Variants in PRKN observed in about 807,000 individuals in gnomAD.
The protein encoded by PRKN is parkin RBR E3 ubiquitin protein ligase, also known as E3 ubiquitin-protein ligase parkin.
PRKN carries 56 observed loss-of-function variants against 59.5 expected under a neutral mutation model. That is an observed-to-expected ratio of 0.94 (90% CI 0.76 to 1.18). The LOEUF is 1.18. Ranked by LOEUF, PRKN falls within the 50% of genes most tolerant of loss-of-function variation. The pLI, the probability that PRKN is intolerant of heterozygous loss-of-function variation, is 0.00. For synonymous variants in PRKN, 250 were observed against 222.1 expected (o/e 1.13, Z -1.12); for missense variants, 657 against 596.4 (o/e 1.10, Z -1.06).
chr6:162,544,754 G>A lies in PRKN; in HGVS notation c.8-101281C>T, dbSNP rs1341431326. On this transcript the variant is annotated intron_variant, in intron 1 of 11. Coordinates refer to ENST00000366898, the MANE Select transcript of PRKN (RefSeq NM_004562.3). ...GAGCAGTGGCGCGATGTCGACTCAC[G>A]GCAACCTCCGCCTCCCGGGTTGAAG... Among the ~76,000 whole-genome samples the A allele has an allele frequency of 2.1e-5, 3 of 144,906 alleles. No homozygotes were observed. In the South Asian group the frequency reaches 6.7e-4, roughly 32 times the overall value.
chr6:162,213,579 A>G (rs1482885405), intron 3 of PRKN, among the ~76,000 whole-genome samples: 3 of 151,870 alleles, frequency 2.0e-5, no homozygotes, highest in Non-Finnish European at 1.5e-5. Context: ...TAAACAAAAA[A>G]ATAGCTGAAT....
At chr6:161,773,359 C>A (rs945596255) in intron 7 of PRKN, among the ~76,000 whole-genome samples, 7 of 152,154 alleles carry the variant, frequency 4.6e-5, no homozygotes, top group African/African-American at 1.7e-4. Context: ...GATGACAATG[C>A]AGAATGCATA....
intron 4 of PRKN, among the ~76,000 whole-genome samples, chr6:162,116,573 A>C (rs1780682304): frequency 6.6e-6 from 1 of 152,194 alleles, no homozygotes; most frequent in Admixed American, 6.5e-5. Flanking sequence ...ACGTGTGTAC[A>C]TTAGATCCTG....
At position 161,582,678 on chromosome 6, in the gene PRKN, C is replaced by T. The variant is rs982036717; in HGVS notation, c.872-13262G>A. The stretch of plus-strand genomic sequence containing the variant: ...TGCTGACCTCGTGATCTGCCCGCCT[C>T]GGCCTCCCAAAGTTCTGGGATTACA... On this transcript the variant is annotated intron_variant, in intron 7 of 11. Coordinates refer to ENST00000366898, the MANE Select transcript of PRKN (RefSeq NM_004562.3). This position sits in a 1 kb window ranked among gnomAD's most constrained non-coding sequence, Gnocchi z 4.4. Among the ~76,000 whole-genome samples the T allele has an allele frequency of 2.0e-5, 3 of 152,018 alleles. No individual in the cohort carries two copies. Among genetic ancestry groups the T allele is most frequent in the African/African-American group, 7.3e-5 (3 of 41,372 alleles).
chr6:161,491,180 C>T (rs928535222), intron 9 of PRKN, among the ~76,000 whole-genome samples: 20 of 152,284 alleles, frequency 1.3e-4, no homozygotes, highest in South Asian at 6.2e-4. Context: ...TATCAGATGA[C>T]TTCAAGATCT....
chr6:161,941,806 C>G (rs1779579096), intron 6 of PRKN, among the ~76,000 whole-genome samples: 1 of 152,106 alleles, frequency 6.6e-6, no homozygotes. Context: ...AGGAAACTTC[C>G]TGTTTCAATA....
At chr6:162,195,980 T>C (rs1954943) in intron 4 of PRKN, among the ~76,000 whole-genome samples, 42,574 of 152,156 alleles carry the variant, frequency 0.28, 7,095 homozygotes, top group Non-Finnish European at 0.37. Flanking sequence ...ATCAAGTATT[T>C]CACTCTATAA....
At chr6:161,869,657 A>T (rs1295755879) in intron 6 of PRKN, among the ~76,000 whole-genome samples, 1 of 152,172 alleles carries the variant, frequency 6.6e-6, no homozygotes, top group Non-Finnish European at 1.5e-5. Context: ...CAACACAAAC[A>T]TGCTGTCCTT....
chr6:162,291,029 G>A (rs1373241899), intron 2 of PRKN, among the ~76,000 whole-genome samples: 1 of 152,182 alleles, frequency 6.6e-6, no homozygotes, highest in East Asian at 1.9e-4. Context: ...TATAAGAAAG[G>A]AGCGATGTCA....
At chr6:162,534,454 C>T (rs763524111) in intron 1 of PRKN, among the ~76,000 whole-genome samples, 1 of 152,094 alleles carries the variant, frequency 6.6e-6, no homozygotes, top group Non-Finnish European at 1.5e-5. Flanking sequence ...CAACTTGGCA[C>T]GGTGCTTTGC....
intron 1 of PRKN, among the ~76,000 whole-genome samples, chr6:162,540,901 C>T (rs1778903081): frequency 6.6e-6 from 1 of 152,032 alleles, no homozygotes; most frequent in South Asian, 2.1e-4. Context: ...TCTCACTATA[C>T]AGAAAACAAT....
rs570923590 is a variant in PRKN, at chr6:162,429,069, T to A, written c.171+14241A>T. 2.0e-5 allele frequency among the ~76,000 whole-genome samples: 3 copies of A among 152,352 alleles called. No homozygotes were observed. The South Asian group carries it at 6.2e-4, about 32-fold the overall frequency. On this transcript the variant is annotated intron_variant, in intron 2 of 11. Coordinates refer to ENST00000366898, the MANE Select transcript of PRKN (RefSeq NM_004562.3). Reference sequence around the variant, plus strand: ...CTGAAATTTACCATTTTTATTGCTTTACTTGCTTTAAACCTGAAGATTGTA... The same window carrying A: ...CTGAAATTTACCATTTTTATTGCTTAACTTGCTTTAAACCTGAAGATTGTA...
At chr6:162,417,854 T>C (rs1282714040) in intron 2 of PRKN, among the ~76,000 whole-genome samples, 1 of 152,206 alleles carries the variant, frequency 6.6e-6, no homozygotes, top group Non-Finnish European at 1.5e-5. Context: ...TTCTTCCACC[T>C]CTTCACCTTC....
At chr6:162,078,607 A>T (rs9346897) in intron 4 of PRKN, among the ~76,000 whole-genome samples, 123,192 of 152,028 alleles carry the variant, frequency 0.81, 50,103 homozygotes, top group Admixed American at 0.88. Context: ...AGTTTGATAA[A>T]AAAGCCACTT....
chr6:162,675,366 A>C (rs1380340540), intron 1 of PRKN, among the ~76,000 whole-genome samples: 9 of 151,998 alleles, frequency 5.9e-5, no homozygotes, highest in African/African-American at 2.2e-4. Context: ...AAATAGATTG[A>C]ATTTGAGGTA....
intron 2 of PRKN, among the ~76,000 whole-genome samples, chr6:162,350,323 CTTTA>C (rs1467112566): frequency 2.6e-5 from 4 of 152,092 alleles, no homozygotes; most frequent in South Asian, 2.1e-4. Context: ...TCACAACAGG[CTTTA>C]TTTATTTATT....
intron 2 of PRKN, among the ~76,000 whole-genome samples, chr6:162,344,428 G>T (rs986862857): frequency 6.6e-6 from 1 of 151,990 alleles, no homozygotes; most frequent in Non-Finnish European, 1.5e-5. Flanking sequence ...TAACAGATGT[G>T]ATTCTATGAA....
chr6:161,976,673 A>G (rs554692565), intron 5 of PRKN, among the ~76,000 whole-genome samples: 2 of 152,344 alleles, frequency 1.3e-5, no homozygotes, highest in South Asian at 2.1e-4. Flanking sequence ...GAAGGACATG[A>G]CTGACCCTTA....
intron 4 of PRKN, among the ~76,000 whole-genome samples, chr6:162,193,415 G>A (rs982527828): frequency 2.0e-5 from 3 of 152,088 alleles, no homozygotes; most frequent in Non-Finnish European, 4.4e-5. Context: ...CTTTTGCCCA[G>A]GTCCCCACAT....
Sources: gnomAD v4.1 joint callset for allele counts (sites outside exome capture counted in the v4.1 genomes callset) on GRCh38, gnomAD v4.1.1 for gene constraint, Gnocchi (gnomAD v3.1) non-coding constraint, MANE v1.5 for transcripts, NCBI Gene and HGNC (gene_info 2026-07-23, HGNC 2026-07-21) for gene names.